The following MAPK10 variants were observed in gnomAD, a reference collection of about 807,000 sequenced individuals.
MAPK10 encodes mitogen-activated protein kinase 10, also known as JNK3 alpha protein kinase.
A neutral mutation model predicts 59.3 loss-of-function variants in MAPK10; 25 were observed. That is an observed-to-expected ratio of 0.42 (90% confidence interval 0.31 to 0.59). The LOEUF (loss-of-function observed/expected upper bound fraction) is 0.59, where lower values mean the gene tolerates loss of function less well. MAPK10 is among the 20% of genes least tolerant of loss of function. The pLI is 0.15. For synonymous variants in MAPK10, 190 were observed against 200.5 expected (o/e 0.95, Z 0.44); for missense variants, 351 against 568.9 (o/e 0.62, Z 3.90).
At chr4:86,076,068 C>T (rs112507024) in intron 9 of MAPK10, among the ~76,000 whole-genome samples, 107 of 152,214 alleles carry the variant, frequency 7.0e-4, no homozygotes, top group East Asian at 4.8e-3. Context: ...TAGGACCCTC[C>T]GAGCCAGGTG....
chr4:86,111,845 T>C (rs1258930431), intron 4 of MAPK10, among the ~76,000 whole-genome samples: 1 of 152,180 alleles, frequency 6.6e-6, no homozygotes, highest in Non-Finnish European at 1.5e-5. Context: ...CAGCTGTAAA[T>C]CCATCTTGGC....
intron 1 of MAPK10, chr4:86,358,422 C>T (rs1478055223): frequency 4.1e-6 from 4 of 966,950 alleles, no homozygotes. Context: ...TATGACTTAG[C>T]CTGCTTCCTT....
intron 9 of MAPK10, among the ~76,000 whole-genome samples, chr4:86,077,851 G>A (rs1409273960): frequency 6.6e-6 from 1 of 152,138 alleles, no homozygotes; most frequent in Non-Finnish European, 1.5e-5. Flanking sequence ...AGCTGTTTAG[G>A]CACAATGTTG....
chr4:86,525,811 T>A (rs565043265), intron 1 of MAPK10, among the ~76,000 whole-genome samples: 1 of 152,290 alleles, frequency 6.6e-6, no homozygotes, highest in African/African-American at 2.4e-5. Flanking sequence ...TAAGACAATA[T>A]AGGAATAGCT....
chr4:86,578,351 G>T (rs2149111082), intron 1 of MAPK10, among the ~76,000 whole-genome samples: 1 of 152,260 alleles, frequency 6.6e-6, no homozygotes, highest in African/African-American at 2.4e-5. Flanking sequence ...GAATGGCAGT[G>T]GGAGAGCTGG....
At chr4:86,437,681 C>A (rs1177591306) in intron 1 of MAPK10, among the ~76,000 whole-genome samples, 2 of 152,092 alleles carry the variant, frequency 1.3e-5, no homozygotes, top group African/African-American at 4.8e-5. Flanking sequence ...AAGTTGTTAT[C>A]ATATCTTTTT....
At chr4:86,092,102 A>T (rs934390678) in intron 9 of MAPK10, among the ~76,000 whole-genome samples, 6 of 152,192 alleles carry the variant, frequency 3.9e-5, no homozygotes. Context: ...TCATGGGCAG[A>T]ACTCAAAATA....
At chr4:86,051,901 G>A (rs2043611168) in intron 11 of MAPK10, among the ~76,000 whole-genome samples, 1 of 151,832 alleles carries the variant, frequency 6.6e-6, no homozygotes, top group Non-Finnish European at 1.5e-5. Flanking sequence ...AATAAATATC[G>A]CAAAGGAAGT....
At chr4:86,162,770 G>C (rs1442852677) in intron 3 of MAPK10, among the ~76,000 whole-genome samples, 2 of 152,012 alleles carry the variant, frequency 1.3e-5, no homozygotes, top group Non-Finnish European at 2.9e-5. Context: ...CAGGTATAAA[G>C]TTGTAATGTT....
intron 3 of MAPK10, among the ~76,000 whole-genome samples, chr4:86,178,291 C>T (rs1032451841): frequency 2.0e-5 from 3 of 151,904 alleles, no homozygotes; most frequent in African/African-American, 4.8e-5. Context: ...AAATTTTTCA[C>T]ACACAGTAAG....
At chr4:86,581,078 C>A (rs1762230326) in intron 1 of MAPK10, among the ~76,000 whole-genome samples, 1 of 152,090 alleles carries the variant, frequency 6.6e-6, no homozygotes, top group Non-Finnish European at 1.5e-5. Flanking sequence ...TGAATATTAT[C>A]TTTTGGGTAC....
chr4:86,561,389 A>G (rs889594854), intron 1 of MAPK10, among the ~76,000 whole-genome samples: 12 of 152,220 alleles, frequency 7.9e-5, no homozygotes, highest in Non-Finnish European at 1.5e-4. Context: ...TTATTCTATA[A>G]TGTGTTAATA....
chr4:86,015,935 GTT>G lies in MAPK10; in HGVS notation c.*1291_*1292del, dbSNP rs1743149591. The G allele has an allele frequency of 6.6e-6, 1 of 152,040 alleles. No individual in the cohort carries two copies. The highest frequency in any genetic ancestry group is 1.5e-5 in the Non-Finnish European group (1 of 68,018). 9.4% of individuals were successfully genotyped at this position (152,040 alleles called of 1,614,324 possible). ...CTGAGACTCACACTGTGGTTTGGGG[GTT>G]TCATTATTATTATTATTATTTTATT... On this transcript the variant is annotated 3_prime_UTR_variant, in exon 14 of 14. Coordinates refer to ENST00000641462, the MANE Select transcript of MAPK10 (RefSeq NM_138982.4).
chr4:86,213,299 AAAG>A (rs2086397061), intron 2 of MAPK10, among the ~76,000 whole-genome samples: 1 of 152,248 alleles, frequency 6.6e-6, no homozygotes, highest in African/African-American at 2.4e-5. Context: ...GGAATTAGAA[AAAG>A]AAGAACATAT....
At chr4:86,191,029 T>A (rs1027988870) in intron 3 of MAPK10, among the ~76,000 whole-genome samples, 1 of 152,226 alleles carries the variant, frequency 6.6e-6, no homozygotes, top group African/African-American at 2.4e-5. Flanking sequence ...GAGCAGGTTG[T>A]TCAGTATCTA....
intron 1 of MAPK10, among the ~76,000 whole-genome samples, chr4:86,575,326 G>C (rs1477688710): frequency 6.6e-6 from 1 of 152,074 alleles, no homozygotes; most frequent in Non-Finnish European, 1.5e-5. Flanking sequence ...TAATATCTCA[G>C]ATATTATGGA....
chr4:86,194,251 G>T (rs1308020050), intron 3 of MAPK10, 85 bp downstream of exon 3: 2 of 1,008,100 alleles, frequency 2.0e-6, no homozygotes, highest in Non-Finnish European at 1.6e-6. Flanking sequence ...TACTGACTTT[G>T]GTGTGGAATG....
intron 1 of MAPK10, among the ~76,000 whole-genome samples, chr4:86,490,610 G>A (rs1158694128): frequency 6.6e-6 from 1 of 152,230 alleles, no homozygotes; most frequent in East Asian, 1.9e-4. Flanking sequence ...TGAGAGACAA[G>A]TAGGGACTAA....
At chr4:86,328,861 G>A (rs1053856007) in intron 2 of MAPK10, among the ~76,000 whole-genome samples, 9 of 152,070 alleles carry the variant, frequency 5.9e-5, no homozygotes, top group Non-Finnish European at 1.3e-4. Context: ...GGGGAGGGGA[G>A]CAAAGGGAGG....
Sources: allele counts gnomAD v4.1 joint callset (sites outside exome capture counted in the v4.1 genomes callset), GRCh38; gene constraint gnomAD v4.1.1; transcripts MANE v1.5; gene names NCBI Gene and HGNC (gene_info 2026-07-23, HGNC 2026-07-21).